The following SHANK2 variants were observed in gnomAD, a reference collection of about 807,000 sequenced individuals.
SHANK2 encodes the protein SH3 and multiple ankyrin repeat domains 2.
SHANK2 carries 43 observed loss-of-function variants against 133.7 expected under a neutral mutation model. The observed-to-expected ratio is 0.32, with a 90% CI of 0.25 to 0.41. The LOEUF (loss-of-function observed/expected upper bound fraction) is 0.41, where lower values mean the gene tolerates loss of function less well. Among genes scored for constraint, SHANK2 ranks in the 10% least tolerant of loss-of-function variants. The pLI, the probability that SHANK2 is intolerant of heterozygous loss-of-function variation, is 1.00. For missense variants in SHANK2, 1,994 were observed against 2,235.8 expected (o/e 0.89, Z 2.18); for synonymous variants, 1,017 against 952.8 (o/e 1.07, Z -1.24).
intron 3 of SHANK2, among the ~76,000 whole-genome samples, chr11:71,145,869 C>T (rs1289485567): frequency 1.3e-5 from 2 of 152,186 alleles, no homozygotes; most frequent in Non-Finnish European, 2.9e-5. Context: ...CAGCAGCCTA[C>T]ACCACCAGCC....
intron 17 of SHANK2, among the ~76,000 whole-genome samples, chr11:70,599,745 T>C (rs1414820930): frequency 1.3e-5 from 2 of 149,490 alleles, no homozygotes; most frequent in Non-Finnish European, 3.0e-5. Flanking sequence ...TGAGTTGAGA[T>C]TGTGCCATTG....
intron 14 of SHANK2, among the ~76,000 whole-genome samples, chr11:70,757,904 C>T (rs1555039302): frequency 6.6e-6 from 1 of 152,130 alleles, no homozygotes; most frequent in East Asian, 1.9e-4. Context: ...TGTTCATTCT[C>T]TCAGTTCTGG....
Position 71,092,476 on chromosome 11 carries a change from G to A in SHANK2, c.858C>T (p.His286=), listed in dbSNP as rs782463740. Residue 286 remains histidine (H), a synonymous_variant, in exon 8 of 26, where the codon CAC becomes CAT. Coordinates refer to ENST00000601538, the MANE Select transcript of SHANK2 (RefSeq NM_012309.5). ...GDPYCCELLL[H]EHATVCCKDE... ...CTTTGCAGCACACAGTGGCGTGTTC[G>A]TGCAGGAGAAGCTCGCAGCAGTAGG... The A allele has an allele frequency of 1.0e-5, 16 of 1,551,570 alleles. No individual in the cohort carries two copies. The highest frequency in any genetic ancestry group is 4.9e-5 in the East Asian group (2 of 40,918).
At chr11:70,942,625 T>C (rs1555084587) in intron 10 of SHANK2, 5 of 456,784 alleles carry the variant, frequency 1.1e-5, no homozygotes, top group East Asian at 1.4e-4. Flanking sequence ...TAGCAGAGTG[T>C]CATTTCCACT....
intron 17 of SHANK2, among the ~76,000 whole-genome samples, chr11:70,651,413 C>T (rs1233521707): frequency 6.6e-6 from 1 of 152,172 alleles, no homozygotes; most frequent in African/African-American, 2.4e-5. Flanking sequence ...AGAGAACGAC[C>T]TCCCCAGGCC....
intron 17 of SHANK2, among the ~76,000 whole-genome samples, chr11:70,515,772 A>G (rs1240480781): frequency 6.6e-6 from 1 of 151,982 alleles, no homozygotes; most frequent in Non-Finnish European, 1.5e-5. Flanking sequence ...TGATCACACC[A>G]CTGCACTCCA....
In SHANK2 at chr11:70,485,855, G is replaced by A. The variant is rs557121637; in HGVS notation, c.4438C>T (p.Pro1480Ser). 1 of 1,614,094 alleles carries A rather than the reference G, an allele frequency of 6.2e-7. No homozygotes were observed. The highest frequency in any genetic ancestry group is 8.5e-7 in the Non-Finnish European group (1 of 1,180,046). Residue 1480 changes from proline (P) to serine (S), a missense_variant, in exon 25 of 26, where the codon CCT becomes TCT. Transcript: ENST00000601538. The surrounding 1 kb of genome is among the most constrained non-coding windows in gnomAD (Gnocchi z 5.8). ...TCGGCGACGGCGTCAAAGCTTTCAG[G>A]GGGTGGCAGGAATGAGGCAGGCAGA... Reference protein sequence around the residue: ...NCLPASFLPPPESFDAVADSG... With the variant: ...NCLPASFLPPSESFDAVADSG...
intron 2 of SHANK2, among the ~76,000 whole-genome samples, chr11:71,223,417 G>C (rs139332317): frequency 2.6e-5 from 4 of 152,264 alleles, no homozygotes; most frequent in African/African-American, 9.6e-5. Flanking sequence ...TTTTTTAGTT[G>C]CATCTGTACC....
At chr11:70,540,897 G>A (rs78822096) in intron 17 of SHANK2, among the ~76,000 whole-genome samples, 2,653 of 149,158 alleles carry the variant, frequency 0.018, 51 homozygotes, top group East Asian at 0.11. Context: ...ACCTGTTAGC[G>A]CAGAATTCAG....
At chr11:70,496,576 C>G (rs572065485) in intron 21 of SHANK2, among the ~76,000 whole-genome samples, 1 of 152,204 alleles carries the variant, frequency 6.6e-6, no homozygotes, top group South Asian at 2.1e-4. Flanking sequence ...AGTTCTGGGC[C>G]GATCATCCTG....
intron 2 of SHANK2, among the ~76,000 whole-genome samples, chr11:71,205,638 C>T (rs1444124753): frequency 2.0e-5 from 3 of 152,196 alleles, no homozygotes; most frequent in African/African-American, 7.2e-5. Flanking sequence ...CAGGGAAGCA[C>T]CACACTTCCA....
At chr11:70,827,872 G>T (rs1194519854) in intron 11 of SHANK2, among the ~76,000 whole-genome samples, 1 of 152,116 alleles carries the variant, frequency 6.6e-6, no homozygotes, top group Non-Finnish European at 1.5e-5. Context: ...TTTCCCTGAA[G>T]GCGTACCAGG....
At chr11:70,643,344 A>G (rs2061212621) in intron 17 of SHANK2, among the ~76,000 whole-genome samples, 1 of 152,164 alleles carries the variant, frequency 6.6e-6, no homozygotes, top group South Asian at 2.1e-4. Context: ...CGGGCGGATC[A>G]CGAGGTCAGG....
chr11:70,746,836 C>T (rs1470279673), intron 14 of SHANK2, among the ~76,000 whole-genome samples: 1 of 151,970 alleles, frequency 6.6e-6, no homozygotes, highest in Non-Finnish European at 1.5e-5. Context: ...CTCTGCCCTA[C>T]CCTTTCCATC....
intron 17 of SHANK2, among the ~76,000 whole-genome samples, chr11:70,554,915 T>TTTA (rs1554979150): frequency 6.6e-6 from 1 of 150,964 alleles, no homozygotes; most frequent in South Asian, 2.1e-4. Context: ...TTTTTTTTTT[T>TTTA]AACAAATCGA....
At chr11:70,887,594 GGGCACTGATTTCCT>G (rs1188176559) in intron 11 of SHANK2, among the ~76,000 whole-genome samples, 3 of 152,192 alleles carry the variant, frequency 2.0e-5, no homozygotes, top group African/African-American at 4.8e-5. Context: ...AGCATCGTAA[GGGCACTGATTTCCT>G]GGCACTGATT....
rs551857575 is a variant in SHANK2, at chr11:70,944,481, C to G, written c.1108-47914G>C. Among the ~76,000 whole-genome samples, 4 of 152,376 alleles carry G rather than the reference C, an allele frequency of 2.6e-5. No individual in the cohort carries two copies. In the East Asian group the frequency reaches 7.7e-4, roughly 29 times the overall value. On this transcript the variant is annotated intron_variant, in intron 10 of 25. Transcript: ENST00000601538. ...GATTCGAGAACACGTGCATCTGAAA[C>G]ACCTCTGGGACCGTCTCACTGATTT...
At chr11:71,239,916 C>T (rs1954867734) in intron 1 of SHANK2, among the ~76,000 whole-genome samples, 2 of 152,206 alleles carry the variant, frequency 1.3e-5, no homozygotes, top group South Asian at 2.1e-4. Context: ...CTACGTCTCG[C>T]AGGGCGTCTG....
At chr11:70,610,847 C>A (rs1415555993) in intron 17 of SHANK2, among the ~76,000 whole-genome samples, 8 of 152,216 alleles carry the variant, frequency 5.3e-5, no homozygotes, top group African/African-American at 1.9e-4. Context: ...TGGGGATCCA[C>A]AGGACTCATG....
Sources: allele counts gnomAD v4.1 joint callset (sites outside exome capture counted in the v4.1 genomes callset), GRCh38; gene constraint gnomAD v4.1.1; non-coding constraint Gnocchi (gnomAD v3.1); transcripts MANE v1.5; gene names NCBI Gene and HGNC (gene_info 2026-07-23, HGNC 2026-07-21).